BCKDHB: variants seen among roughly 807,000 people sequenced by gnomAD.
BCKDHB encodes branched chain keto acid dehydrogenase E1 subunit beta, also known as 2-oxoisovalerate dehydrogenase subunit beta, mitochondrial.
BCKDHB carries 41 observed loss-of-function variants against 48.5 expected under a neutral mutation model. That is an observed-to-expected ratio of 0.85 (90% confidence interval 0.66 to 1.10). BCKDHB has a LOEUF of 1.10. BCKDHB is among the 50% of genes least tolerant of loss of function. The probability of loss-of-function intolerance (pLI) is 0.00; values close to 1 mark genes in which losing one functional copy is unlikely to be tolerated. For synonymous variants in BCKDHB, 201 were observed against 174.8 expected (o/e 1.15, Z -1.18); for missense variants, 496 against 494.2 (o/e 1.00, Z -0.03).
At chr6:80,130,141 T>G (rs1029061201) in intron 3 of BCKDHB, among the ~76,000 whole-genome samples, 1 of 152,172 alleles carries the variant, frequency 6.6e-6, no homozygotes, top group Non-Finnish European at 1.5e-5. Context: ...TGACTTGCAG[T>G]GTAAGGAATG....
At chr6:80,359,003 T>G in the BCKDHB span, among the ~76,000 whole-genome samples, 1 of 152,294 alleles carries the variant, frequency 6.6e-6, no homozygotes, top group Non-Finnish European at 1.5e-5. Flanking sequence ...ACATTGTTAG[T>G]GTGTACATGA....
intron 8 of BCKDHB, among the ~76,000 whole-genome samples, chr6:80,269,090 G>A (rs755901111): frequency 1.3e-5 from 2 of 152,082 alleles, no homozygotes; most frequent in Non-Finnish European, 2.9e-5. Context: ...CTTTTCTTGA[G>A]TGTCTACAAT....
chr6:80,349,427 G>T (rs1185288476), downstream of BCKDHB, among the ~76,000 whole-genome samples: 1 of 152,074 alleles, frequency 6.6e-6, no homozygotes, highest in Admixed American at 6.5e-5. Flanking sequence ...GTGGGTAGTG[G>T]GGGGACAGCA....
chr6:80,222,199 A>G (rs62408576), intron 8 of BCKDHB, among the ~76,000 whole-genome samples: 346 of 152,288 alleles, frequency 2.3e-3, no homozygotes, highest in Non-Finnish European at 3.8e-3. Context: ...GCTCCTACTT[A>G]TAAGTCAGAA....
At chr6:80,314,383 G>A (rs1343341020) in intron 9 of BCKDHB, among the ~76,000 whole-genome samples, 2 of 152,174 alleles carry the variant, frequency 1.3e-5, no homozygotes, top group Non-Finnish European at 2.9e-5. Context: ...TTTTGTCCCT[G>A]ATCCATTTGG....
chr6:80,372,426 T>C, the BCKDHB span, among the ~76,000 whole-genome samples: 1 of 152,202 alleles, frequency 6.6e-6, no homozygotes, highest in Non-Finnish European at 1.5e-5. Flanking sequence ...TTTACCAATT[T>C]GGATGCCCTT....
chr6:80,451,870 C>T, the BCKDHB span, among the ~76,000 whole-genome samples: 1 of 152,176 alleles, frequency 6.6e-6, no homozygotes, highest in African/African-American at 2.4e-5. Flanking sequence ...TCAATCTCAA[C>T]CCCTCAATCT....
At chr6:80,169,747 ATGAAT>A (rs1772798156) in intron 5 of BCKDHB, 1 of 1,496,126 alleles carries the variant, frequency 6.7e-7, no homozygotes, top group African/African-American at 1.4e-5. Context: ...TTTTGACCAC[ATGAAT>A]TGATTGTGAG....
At chr6:80,134,091 G>A (rs1173067865) in intron 3 of BCKDHB, among the ~76,000 whole-genome samples, 2 of 152,096 alleles carry the variant, frequency 1.3e-5, no homozygotes, top group African/African-American at 2.4e-5. Context: ...TGGTGTGTCA[G>A]GTTTAAGGTA....
Position 80,201,004 on chromosome 6 carries a change from T to A in BCKDHB, c.813T>A (p.Asp271Glu). 1 of 1,612,650 alleles carries A rather than the reference T, an allele frequency of 6.2e-7. No homozygotes were observed. The highest frequency in any genetic ancestry group is 8.5e-7 in the Non-Finnish European group (1 of 1,178,858). Residue 271 changes from aspartate (D) to glutamate (E), a missense_variant, in exon 7 of 10, where the codon GAT becomes GAA. Transcript: ENST00000320393. ...CCGAAGTCATACAGGAAGGGAGTGATGTTACTCTAGTTGCCTGGGGCACTC... is the reference window on the plus strand; with the variant it reads ...CCGAAGTCATACAGGAAGGGAGTGAAGTTACTCTAGTTGCCTGGGGCACTC... ...SQAEVIQEGS[D>E]VTLVAWGTQV... is the part of the protein sequence containing the mutation.
the BCKDHB span, among the ~76,000 whole-genome samples, chr6:80,455,728 A>G: frequency 6.6e-6 from 1 of 151,854 alleles, no homozygotes; most frequent in African/African-American, 2.4e-5. Flanking sequence ...CCCTTCTGCA[A>G]TTCTTAAAAT....
the BCKDHB span, among the ~76,000 whole-genome samples, chr6:80,395,522 G>C: frequency 6.6e-6 from 1 of 152,112 alleles, no homozygotes; most frequent in Non-Finnish European, 1.5e-5. Context: ...GATGATTTAG[G>C]GTGTCTGGTG....
downstream of BCKDHB, among the ~76,000 whole-genome samples, chr6:80,350,944 A>G (rs570229416): frequency 2.4e-4 from 36 of 152,308 alleles, 1 homozygote; most frequent in Middle Eastern, 3.4e-3. Context: ...CGCTTGGTCT[A>G]CAGAAGGCTC....
chr6:80,383,510 A>G, the BCKDHB span, among the ~76,000 whole-genome samples: 20 of 152,252 alleles, frequency 1.3e-4, no homozygotes, highest in East Asian at 2.1e-3. Context: ...GATCCTGTGC[A>G]TAACCAAATC....
intron 8 of BCKDHB, among the ~76,000 whole-genome samples, chr6:80,257,904 C>A (rs1777123979): frequency 6.6e-6 from 1 of 152,008 alleles, no homozygotes. Flanking sequence ...TGGTGCCTGA[C>A]TGCAATAAGG....
At chr6:80,200,200 A>T (rs1056197543) in intron 6 of BCKDHB, among the ~76,000 whole-genome samples, 1 of 152,078 alleles carries the variant, frequency 6.6e-6, no homozygotes, top group Non-Finnish European at 1.5e-5. Context: ...TCTCTATATA[A>T]CTTGGTTGGG....
the BCKDHB span, among the ~76,000 whole-genome samples, chr6:80,394,389 G>A: frequency 1.3e-5 from 2 of 150,548 alleles, no homozygotes; most frequent in Non-Finnish European, 3.0e-5. Flanking sequence ...TTCTATTCTT[G>A]TTCTTTTGGA....
At chr6:80,389,900 C>A in the BCKDHB span, among the ~76,000 whole-genome samples, 2 of 152,158 alleles carry the variant, frequency 1.3e-5, no homozygotes, top group Non-Finnish European at 2.9e-5. Flanking sequence ...CTCACCATCA[C>A]CCCTAGTGAT....
At chr6:80,224,593 G>A (rs754656186) in intron 8 of BCKDHB, among the ~76,000 whole-genome samples, 1 of 151,936 alleles carries the variant, frequency 6.6e-6, no homozygotes, top group Non-Finnish European at 1.5e-5. Context: ...ACGGGCTTTC[G>A]CCATGTTGCC....
Sources: allele counts gnomAD v4.1 joint callset (sites outside exome capture counted in the v4.1 genomes callset), GRCh38; gene constraint gnomAD v4.1.1; transcripts MANE v1.5; gene names NCBI Gene and HGNC (gene_info 2026-07-23, HGNC 2026-07-21).